Variants in GNS observed in about 807,000 individuals in gnomAD.
GNS encodes the protein N-acetylglucosamine-6-sulfatase.
A neutral mutation model predicts 69.7 loss-of-function variants in GNS; 40 were observed. The ratio of observed to expected loss-of-function variants is 0.57; its 90% CI spans 0.45 to 0.75. The LOEUF (loss-of-function observed/expected upper bound fraction) is 0.75, where lower values mean the gene tolerates loss of function less well. GNS is among the 30% of genes least tolerant of loss of function. The probability of loss-of-function intolerance (pLI) is 0.00; values close to 1 mark genes in which losing one functional copy is unlikely to be tolerated. For missense variants in GNS, 565 were observed against 685.5 expected (o/e 0.82, Z 1.96); for synonymous variants, 243 against 251.6 (o/e 0.97, Z 0.32).
Position 64,739,454 on chromosome 12 carries a change from G to A in GNS, c.921C>T (p.Val307=). Residue 307 remains valine, a synonymous_variant, in exon 8 of 14, where the codon GTC becomes GTT. Coordinates refer to ENST00000258145, the MANE Select transcript of GNS (RefSeq NM_002076.4). ...LSVDDLVEKL[V]KRLEFTGELN... ...GCTCCCCAGTGAACTCCAGCCTCTT[G>A]ACCAGTTTCTCCACAAGGTCATCAA... 6.2e-7 allele frequency: 1 copy of A among 1,609,412 alleles called. No homozygotes were observed. Among genetic ancestry groups the A allele is most frequent in the Non-Finnish European group, 8.5e-7 (1 of 1,176,490 alleles).
At chr12:64,730,295 G>T (rs1869342501) in intron 9 of GNS, among the ~76,000 whole-genome samples, 1 of 152,050 alleles carries the variant, frequency 6.6e-6, no homozygotes, top group Non-Finnish European at 1.5e-5. Flanking sequence ...TTACTGACAG[G>T]AAGTAACAGT....
At chr12:64,725,718 C>A (rs910574768) in intron 10 of GNS, among the ~76,000 whole-genome samples, 1 of 151,808 alleles carries the variant, frequency 6.6e-6, no homozygotes, top group Non-Finnish European at 1.5e-5. Flanking sequence ...AACTTAATGC[C>A]GGGTGCAGTG....
At chr12:64,728,566 G>A (rs575679530) in intron 10 of GNS, among the ~76,000 whole-genome samples, 1 of 152,318 alleles carries the variant, frequency 6.6e-6, no homozygotes, top group East Asian at 1.9e-4. Context: ...GATTAGCACT[G>A]AAGTAATCTT....
At chr12:64,720,836 A>G (rs563973492) in intron 12 of GNS, among the ~76,000 whole-genome samples, 42 of 152,260 alleles carry the variant, frequency 2.8e-4, no homozygotes, top group Non-Finnish European at 4.7e-4. Flanking sequence ...AATTTTGCCT[A>G]TAATGGCTTC....
At chr12:64,736,658 T>C (rs1345900333) in intron 9 of GNS, among the ~76,000 whole-genome samples, 2 of 152,238 alleles carry the variant, frequency 1.3e-5, no homozygotes, top group East Asian at 1.9e-4. Context: ...TTTCTGGATA[T>C]TGCCCAAGCA....
In GNS at chr12:64,756,652, TA is replaced by T. The variant is rs1036770050; in HGVS notation, c.192+2432del. 6.4e-5 allele frequency: 58 copies of T among 902,846 alleles called. No individual in the cohort carries two copies. In the African/African-American group the frequency reaches 9.2e-4, roughly 14 times the overall value. The allele number at this position is 902,846 out of a possible 1,614,324, so 55.9% of individuals were successfully genotyped here. A position where few individuals can be genotyped will look rare whatever the true frequency, so the allele number is the denominator to read the frequency against. ...TCCTGTGATGACTGAAGCACAAGTA[TA>T]AAAATCCTCATACTCTGCTCGGCTC... On this transcript the variant is annotated intron_variant, in intron 1 of 13. Transcript: ENST00000258145.
rs142504455 is a variant in GNS at position 64,726,204 on chromosome 12, G to A, written c.1200+2752C>T. ...AAGACACGGGCTAGGATCCCCATGAGGACAATAAGCAGAGAGGTATGCCTA... is the reference window on the plus strand; with the variant it reads ...AAGACACGGGCTAGGATCCCCATGAAGACAATAAGCAGAGAGGTATGCCTA... On this transcript the variant is annotated intron_variant, in intron 10 of 13. Transcript: ENST00000258145. Among the ~76,000 whole-genome samples, 11 of 151,956 alleles carry A rather than the reference G, an allele frequency of 7.2e-5. No individual in the cohort carries two copies. The East Asian group carries it at 1.9e-3, about 27-fold the overall frequency.
intron 9 of GNS, among the ~76,000 whole-genome samples, chr12:64,732,445 GGT>G: frequency 6.7e-6 from 1 of 150,004 alleles, no homozygotes. Context: ...TGGGATTACA[GGT>G]GTGAACCACC....
Position 64,753,337 on chromosome 12 carries a change from C to T in GNS, c.193-580G>A, listed in dbSNP as rs1870141478. 3.3e-5 allele frequency among the ~76,000 whole-genome samples: 5 copies of T among 152,192 alleles called. 1 individual carries two copies. In the South Asian group the frequency reaches 1.0e-3, roughly 31 times the overall value. On this transcript the variant is annotated intron_variant, in intron 1 of 13. Transcript: ENST00000258145. ...ACACAGAACACTGTCAGGCAAAAGG[C>T]TACTCAGAAACTATTTTATGTCCTG...
At chr12:64,729,147 C>T in intron 9 of GNS, 90 bp from the exon 10 acceptor site, 1 of 756,406 alleles carries the variant, frequency 1.3e-6, no homozygotes, top group Non-Finnish European at 2.4e-6. Flanking sequence ...CCCACCCCGC[C>T]CATGAGACAA....
rs767396748 is a variant in GNS at position 64,743,246 on chromosome 12, G to A, written c.687C>T (p.Ile229=). Residue 229 remains isoleucine, a synonymous_variant, in exon 6 of 14, where the codon ATC becomes ATT. Transcript: ENST00000258145. ...AAGGCGAATGAGGCGCTGGAGTGGCGATCATCATGAAGAAGGGCTCAAAGT... is the reference window on the plus strand; with the variant it reads ...AAGGCGAATGAGGCGCTGGAGTGGCAATCATCATGAAGAAGGGCTCAAAGT... The part of the protein sequence containing the change: ...KSNFEPFFMM[I]ATPAPHSPWT... 14 of 1,612,078 alleles carry A rather than the reference G, an allele frequency of 8.7e-6. No individual in the cohort carries two copies. Among genetic ancestry groups the A allele is most frequent in the South Asian group, 4.4e-5 (4 of 91,030 alleles).
At chr12:64,722,170 A>G (rs1431377615) in intron 11 of GNS, among the ~76,000 whole-genome samples, 1 of 151,980 alleles carries the variant, frequency 6.6e-6, no homozygotes, top group African/African-American at 2.4e-5. Flanking sequence ...GGCATGCACC[A>G]CCACGCCCGG....
chr12:64,728,727 CCT>C (rs1869289789), intron 10 of GNS, among the ~76,000 whole-genome samples: 1 of 152,106 alleles, frequency 6.6e-6, no homozygotes, highest in South Asian at 2.1e-4. Flanking sequence ...GTGTTCCCAA[CCT>C]CTCTTTATTT....
chr12:64,756,907 C>A (rs1870268903), intron 1 of GNS: 2 of 575,328 alleles, frequency 3.5e-6, no homozygotes, highest in African/African-American at 1.9e-5. Context: ...GTAATCCCAG[C>A]ACTTTGGGAG....
At chr12:64,726,778 G>A (rs968840310) in intron 10 of GNS, among the ~76,000 whole-genome samples, 9 of 152,032 alleles carry the variant, frequency 5.9e-5, no homozygotes, top group African/African-American at 2.2e-4. Context: ...TTACAGGTGT[G>A]AGCCACTGCA....
intron 13 of GNS, among the ~76,000 whole-genome samples, chr12:64,718,485 C>T (rs1490111176): frequency 6.6e-6 from 1 of 152,190 alleles, no homozygotes; most frequent in Non-Finnish European, 1.5e-5. Flanking sequence ...AGCTCAGTTT[C>T]CTCATTTGAA....
Position 64,713,978 on chromosome 12 carries a change from A to G in GNS, c.*2763T>C, listed in dbSNP as rs994378631. The G allele has an allele frequency of 3.0e-4, 45 of 152,142 alleles. No individual in the cohort carries two copies. Among genetic ancestry groups the G allele is most frequent in the African/African-American group, 1.1e-3 (45 of 41,422 alleles). The allele number at this position is 152,142 out of a possible 1,614,324, so 9.4% of individuals were successfully genotyped here. ...ACCCCGTCTCTACTAAAATTACAAAAATCAGCCAGGTGGGGTGGCAGGCGC... is the reference window on the plus strand; with the variant it reads ...ACCCCGTCTCTACTAAAATTACAAAGATCAGCCAGGTGGGGTGGCAGGCGC... On this transcript the variant is annotated 3_prime_UTR_variant, in exon 14 of 14. Coordinates refer to ENST00000258145, the MANE Select transcript of GNS (RefSeq NM_002076.4).
intron 6 of GNS, 99 bp from the exon 7 acceptor site, chr12:64,740,787 T>C: frequency 2.8e-6 from 2 of 722,874 alleles, no homozygotes; most frequent in Non-Finnish European, 5.0e-6. Flanking sequence ...GTTTCACTCA[T>C]ACTTCAGCAA....
Position 64,749,363 on chromosome 12 carries a change from C to T in GNS, c.253-1445G>A, listed in dbSNP as rs11833615. ...CGCCTCCTGGGTTCACGCCATTCTC[C>T]TGCCTCAGCCTCCCAAGTAGCTGGG... On this transcript the variant is annotated intron_variant, in intron 2 of 13. Coordinates refer to ENST00000258145, the MANE Select transcript of GNS (RefSeq NM_002076.4). 7.7e-3 allele frequency among the ~76,000 whole-genome samples: 1,104 copies of T among 143,688 alleles called. 16 individuals are homozygous for T. The highest frequency in any genetic ancestry group is 0.027 in the African/African-American group (1,024 of 38,404). The allele number at this position is 143,688 out of a possible 152,430, so 94.3% of individuals were successfully genotyped here.
Sources: gnomAD v4.1 joint callset for allele counts (sites outside exome capture counted in the v4.1 genomes callset) on GRCh38, gnomAD v4.1.1 for gene constraint, MANE v1.5 for transcripts, NCBI Gene and HGNC (gene_info 2026-07-23, HGNC 2026-07-21) for gene names.